DCLK1: variants seen among roughly 807,000 people sequenced by gnomAD.
The protein encoded by DCLK1 is doublecortin like kinase 1, also known as serine/threonine-protein kinase DCLK1.
DCLK1 carries 16 observed loss-of-function variants against 86.2 expected under a neutral mutation model. The observed-to-expected ratio is 0.19, with a 90% CI of 0.13 to 0.28. The LOEUF is 0.28. Ranked by LOEUF, DCLK1 falls within the 10% of genes least tolerant of loss-of-function variation. The probability of loss-of-function intolerance (pLI) is 1.00; values close to 1 mark genes in which losing one functional copy is unlikely to be tolerated. For missense variants in DCLK1, 590 were observed against 940.2 expected (o/e 0.63, Z 4.87); for synonymous variants, 369 against 370.5 (o/e 1.00, Z 0.05).
At chr13:35,984,519 T>C (rs1282382572) in intron 3 of DCLK1, among the ~76,000 whole-genome samples, 1 of 152,168 alleles carries the variant, frequency 6.6e-6, no homozygotes, top group Non-Finnish European at 1.5e-5. Flanking sequence ...CAGCAAACTA[T>C]CAACTTTGGA....
intron 4 of DCLK1, among the ~76,000 whole-genome samples, chr13:35,903,652 T>C (rs111259284): frequency 1.1e-4 from 16 of 150,268 alleles, no homozygotes; most frequent in African/African-American, 3.2e-4. Flanking sequence ...AGGCTATACA[T>C]ACACACACAC....
intron 3 of DCLK1, among the ~76,000 whole-genome samples, chr13:35,984,352 C>T (rs1186215174): frequency 6.6e-6 from 1 of 152,188 alleles, no homozygotes; most frequent in Non-Finnish European, 1.5e-5. Flanking sequence ...ACATGTAATT[C>T]ACTCAGACCA....
intron 4 of DCLK1, among the ~76,000 whole-genome samples, chr13:35,893,173 C>G (rs1441861848): frequency 6.6e-6 from 1 of 152,312 alleles, no homozygotes; most frequent in African/African-American, 2.4e-5. Flanking sequence ...CTTTAAGGTT[C>G]TGAACTACTG....
intron 10 of DCLK1, among the ~76,000 whole-genome samples, chr13:35,826,205 T>TA (rs1305515677): frequency 6.6e-6 from 1 of 151,136 alleles, no homozygotes; most frequent in Non-Finnish European, 1.5e-5. Flanking sequence ...CCCTTGTTAC[T>TA]AAAAAAAGGC....
intron 4 of DCLK1, among the ~76,000 whole-genome samples, chr13:35,933,828 G>T (rs1876597963): frequency 6.6e-6 from 1 of 152,240 alleles, no homozygotes. Context: ...TCTTGGGAAT[G>T]AAAATTTGGC....
At chr13:35,940,518 T>C (rs2153131610) in intron 4 of DCLK1, among the ~76,000 whole-genome samples, 1 of 152,250 alleles carries the variant, frequency 6.6e-6, no homozygotes, top group South Asian at 2.1e-4. Flanking sequence ...AGTGTTTCCA[T>C]TAACCTTCTG....
At chr13:35,833,336 T>C (rs1015227112) in intron 8 of DCLK1, among the ~76,000 whole-genome samples, 2 of 152,172 alleles carry the variant, frequency 1.3e-5, no homozygotes, top group Non-Finnish European at 2.9e-5. Flanking sequence ...GAAAGGCATC[T>C]CACATCACGC....
chr13:36,075,846 A>G (rs1160633586), intron 3 of DCLK1, among the ~76,000 whole-genome samples: 1 of 152,080 alleles, frequency 6.6e-6, no homozygotes, highest in Non-Finnish European at 1.5e-5. Flanking sequence ...GTGAAACCCC[A>G]TCTCTGCTAA....
chr13:35,860,326 T>A (rs1386200446), intron 5 of DCLK1, among the ~76,000 whole-genome samples: 1 of 148,578 alleles, frequency 6.7e-6, no homozygotes, highest in African/African-American at 2.6e-5. Context: ...GGGTGGGGGG[T>A]GCATAGGGAA....
chr13:36,051,883 T>A (rs971098875), intron 3 of DCLK1, among the ~76,000 whole-genome samples: 2 of 152,132 alleles, frequency 1.3e-5, no homozygotes, highest in Admixed American at 6.6e-5. Flanking sequence ...TGTTTACCGA[T>A]TAATAAAAGA....
intron 5 of DCLK1, among the ~76,000 whole-genome samples, chr13:35,865,371 G>A (rs1871717132): frequency 6.6e-6 from 1 of 152,138 alleles, no homozygotes; most frequent in Non-Finnish European, 1.5e-5. Context: ...TGCTCTTACA[G>A]ATTCTCATTT....
At chr13:35,986,390 G>C (rs1043873751) in intron 3 of DCLK1, among the ~76,000 whole-genome samples, 3 of 150,926 alleles carry the variant, frequency 2.0e-5, no homozygotes, top group Admixed American at 2.0e-4. Flanking sequence ...AGGAGGTTGA[G>C]GATCTGGTCT....
chr13:35,908,346 A>G (rs1874800119), intron 4 of DCLK1, among the ~76,000 whole-genome samples: 2 of 152,196 alleles, frequency 1.3e-5, no homozygotes, highest in Non-Finnish European at 2.9e-5. Flanking sequence ...CCAAAGAGGC[A>G]GGCCATTCAG....
chr13:36,071,272 A>T (rs1190543494), intron 3 of DCLK1, among the ~76,000 whole-genome samples: 1 of 152,146 alleles, frequency 6.6e-6, no homozygotes, highest in African/African-American at 2.4e-5. Context: ...TAGTATATAC[A>T]TGTAATAGAA....
intron 4 of DCLK1, among the ~76,000 whole-genome samples, chr13:35,896,383 A>G (rs1268109692): frequency 6.6e-6 from 1 of 152,034 alleles, no homozygotes; most frequent in Non-Finnish European, 1.5e-5. Flanking sequence ...TACTAAAAAT[A>G]CAAAAATTAG....
At chr13:35,832,346 C>G (rs1384960217) in intron 8 of DCLK1, among the ~76,000 whole-genome samples, 1 of 152,104 alleles carries the variant, frequency 6.6e-6, no homozygotes, top group Non-Finnish European at 1.5e-5. Context: ...TTGGGATGCT[C>G]TAAGCTAACA....
At chr13:35,891,966 C>T (rs1039827965) in intron 4 of DCLK1, among the ~76,000 whole-genome samples, 38 of 151,932 alleles carry the variant, frequency 2.5e-4, no homozygotes, top group South Asian at 2.1e-4. Context: ...ATAATCTTAC[C>T]GCAATGCAGA....
At chr13:35,849,417 T>C in intron 6 of DCLK1, 1 of 985,310 alleles carries the variant, frequency 1.0e-6, no homozygotes, top group South Asian at 4.7e-5. Context: ...ATTTATCACC[T>C]ACTGAGATAT....
rs948158611 is a variant in DCLK1, at chr13:35,983,602, A to G, written c.724-36145T>C. Among the ~76,000 whole-genome samples the G allele has an allele frequency of 7.9e-5, 12 of 152,350 alleles. No individual in the cohort carries two copies. In the South Asian group the frequency reaches 2.5e-3, roughly 32 times the overall value. On this transcript the variant is annotated intron_variant, in intron 3 of 16. Transcript: ENST00000360631. The stretch of plus-strand genomic sequence containing the variant: ...CCTAATTATACATTTTAAAATAACT[A>G]AAAGAATATAGTTGGATTGTTTGCA...
Sources: gnomAD v4.1 joint callset for allele counts (sites outside exome capture counted in the v4.1 genomes callset) on GRCh38, gnomAD v4.1.1 for gene constraint, MANE v1.5 for transcripts, NCBI Gene and HGNC (gene_info 2026-07-23, HGNC 2026-07-21) for gene names.